The following GALNTL6 variants were observed in gnomAD, a reference collection of about 807,000 sequenced individuals.
GALNTL6 encodes polypeptide N-acetylgalactosaminyltransferase like 6.
A neutral mutation model predicts 73.7 loss-of-function variants in GALNTL6; 46 were observed. That is an observed-to-expected ratio of 0.62 (90% CI 0.49 to 0.80). GALNTL6 has a LOEUF of 0.80. GALNTL6 is among the 30% of genes least tolerant of loss of function. The probability of loss-of-function intolerance (pLI) is 0.00; values close to 1 mark genes in which losing one functional copy is unlikely to be tolerated. For missense variants in GALNTL6, 604 were observed against 755.0 expected (o/e 0.80, Z 2.34); for synonymous variants, 259 against 263.7 (o/e 0.98, Z 0.17).
intron 2 of GALNTL6, among the ~76,000 whole-genome samples, chr4:172,198,415 GA>G (rs539962986): frequency 0.025 from 3,455 of 140,296 alleles, 45 homozygotes; most frequent in Non-Finnish European, 0.034. Context: ...AAATTTACAA[GA>G]AAAAAAAAAG....
intron 5 of GALNTL6, among the ~76,000 whole-genome samples, chr4:172,497,465 A>G (rs1285905862): frequency 6.6e-6 from 1 of 152,224 alleles, no homozygotes; most frequent in African/African-American, 2.4e-5. Context: ...GTGAAAAACA[A>G]CAAAGCTTGA....
chr4:172,661,869 G>T (rs1731395493), intron 5 of GALNTL6, among the ~76,000 whole-genome samples: 1 of 152,154 alleles, frequency 6.6e-6, no homozygotes, highest in African/African-American at 2.4e-5. Context: ...GTGGGTGAAT[G>T]ACAGCAAAAC....
chr4:172,077,399 C>T (rs907542491), intron 2 of GALNTL6, among the ~76,000 whole-genome samples: 6 of 151,764 alleles, frequency 4.0e-5, no homozygotes, highest in Non-Finnish European at 7.4e-5. Flanking sequence ...GAGGTGATCT[C>T]GGATGGAAAT....
chr4:172,660,904 A>C (rs1234980156), intron 5 of GALNTL6, among the ~76,000 whole-genome samples: 2 of 152,176 alleles, frequency 1.3e-5, no homozygotes, highest in African/African-American at 4.8e-5. Flanking sequence ...AAATGAACTC[A>C]AAGCACAAAT....
intron 5 of GALNTL6, among the ~76,000 whole-genome samples, chr4:172,443,467 T>A (rs1731914114): frequency 6.6e-6 from 1 of 151,914 alleles, no homozygotes; most frequent in Non-Finnish European, 1.5e-5. Context: ...CGCCCAGCTA[T>A]GATCCATATA....
chr4:172,334,496 A>G (rs1221965559), intron 4 of GALNTL6, among the ~76,000 whole-genome samples: 2 of 151,962 alleles, frequency 1.3e-5, no homozygotes, highest in Non-Finnish European at 2.9e-5. Flanking sequence ...CATCTTTTTT[A>G]CAGCTATTGT....
At position 172,219,463 on chromosome 4, in the gene GALNTL6, G is replaced by A. The variant is rs183218497; in HGVS notation, c.139-10193G>A. Among the ~76,000 whole-genome samples, 99 of 151,454 alleles carry A rather than the reference G, an allele frequency of 6.5e-4. 1 individual carries two copies. The East Asian group carries it at 0.018, about 28-fold the overall frequency. The stretch of plus-strand genomic sequence containing the variant: ...TCCTATATTTATGTTCTATAAAACA[G>A]TGTTTTAAATTTAAAAACTTTTTGA... On this transcript the variant is annotated intron_variant, in intron 2 of 12. Transcript: ENST00000506823.
chr4:172,047,639 T>G (rs1289228137), intron 2 of GALNTL6, among the ~76,000 whole-genome samples: 1 of 152,166 alleles, frequency 6.6e-6, no homozygotes, highest in African/African-American at 2.4e-5. Context: ...TTGCAGTCAA[T>G]ATCATTATTA....
chr4:172,363,429 C>G (rs1471044875), intron 5 of GALNTL6, among the ~76,000 whole-genome samples: 1 of 152,096 alleles, frequency 6.6e-6, no homozygotes, highest in Non-Finnish European at 1.5e-5. Context: ...CTCAGTTTCT[C>G]TCATAGTAAA....
intron 5 of GALNTL6, among the ~76,000 whole-genome samples, chr4:172,627,984 C>T (rs555599007): frequency 7.6e-4 from 115 of 151,256 alleles, no homozygotes; most frequent in African/African-American, 2.0e-3. Context: ...GTATGGATTT[C>T]GGGGTCTCAA....
chr4:172,593,484 A>G (rs1228544267), intron 5 of GALNTL6, among the ~76,000 whole-genome samples: 1 of 152,198 alleles, frequency 6.6e-6, no homozygotes, highest in Non-Finnish European at 1.5e-5. Flanking sequence ...AATTCCACCT[A>G]TGACAAATAT....
At chr4:172,342,363 C>T (rs1287408878) in intron 4 of GALNTL6, among the ~76,000 whole-genome samples, 3 of 152,198 alleles carry the variant, frequency 2.0e-5, no homozygotes, top group Non-Finnish European at 4.4e-5. Context: ...GATTCTTATT[C>T]GTTGCTCGTG....
chr4:172,785,387 G>A (rs1471585503), intron 5 of GALNTL6, among the ~76,000 whole-genome samples: 1 of 151,994 alleles, frequency 6.6e-6, no homozygotes, highest in Non-Finnish European at 1.5e-5. Flanking sequence ...ATAAGAGAAG[G>A]TCAAAAGGAA....
chr4:172,317,804 A>G (rs139924093), intron 4 of GALNTL6, among the ~76,000 whole-genome samples: 23 of 152,364 alleles, frequency 1.5e-4, no homozygotes, highest in Admixed American at 7.8e-4. Flanking sequence ...AAAAGTGAAT[A>G]GCACTAGTTG....
chr4:172,087,571 T>C (rs1257536525), intron 2 of GALNTL6, among the ~76,000 whole-genome samples: 2 of 151,994 alleles, frequency 1.3e-5, no homozygotes, highest in Non-Finnish European at 2.9e-5. Context: ...GAAAGCAAGG[T>C]GCAGAAAAGC....
intron 7 of GALNTL6, among the ~76,000 whole-genome samples, chr4:172,852,309 C>T (rs545275486): frequency 9.2e-5 from 14 of 152,218 alleles, no homozygotes; most frequent in African/African-American, 3.4e-4. Context: ...ACTGCATCAG[C>T]CCCTGTAGCC....
intron 5 of GALNTL6, among the ~76,000 whole-genome samples, chr4:172,580,383 C>T (rs543882347): frequency 6.6e-5 from 10 of 152,222 alleles, no homozygotes; most frequent in Admixed American, 1.3e-4. Flanking sequence ...AGCAAAACAA[C>T]TTGTATTTAA....
intron 9 of GALNTL6, among the ~76,000 whole-genome samples, chr4:172,936,626 A>G (rs2111334429): frequency 6.6e-6 from 1 of 152,306 alleles, no homozygotes; most frequent in African/African-American, 2.4e-5. Context: ...CTATACACCA[A>G]TAATAGAGAG....
At chr4:172,156,072 G>A (rs1213118154) in intron 2 of GALNTL6, among the ~76,000 whole-genome samples, 1 of 151,806 alleles carries the variant, frequency 6.6e-6, no homozygotes, top group Non-Finnish European at 1.5e-5. Context: ...TTTAACGAGC[G>A]CCTGGGTGCA....
Sources: allele counts gnomAD v4.1 joint callset (sites outside exome capture counted in the v4.1 genomes callset), GRCh38; gene constraint gnomAD v4.1.1; transcripts MANE v1.5; gene names NCBI Gene and HGNC (gene_info 2026-07-23, HGNC 2026-07-21).